The following RBFOX1 variants were observed in gnomAD, a reference collection of about 807,000 sequenced individuals.
RBFOX1 encodes RNA binding protein fox-1 homolog 1.
A neutral mutation model predicts 57.7 loss-of-function variants in RBFOX1; 8 were observed. The ratio of observed to expected loss-of-function variants is 0.14; its 90% CI spans 0.08 to 0.25. The LOEUF (loss-of-function observed/expected upper bound fraction) is 0.25, where lower values mean the gene tolerates loss of function less well. Ranked by LOEUF, RBFOX1 falls within the 10% of genes least tolerant of loss-of-function variation. The probability of loss-of-function intolerance (pLI) is 1.00; values close to 1 mark genes in which losing one functional copy is unlikely to be tolerated. For synonymous variants in RBFOX1, 326 were observed against 222.4 expected (o/e 1.47, Z -4.15); for missense variants, 611 against 548.5 (o/e 1.11, Z -1.14).
chr16:5,391,951 C>T (rs1443989243), intron 1 of RBFOX1, among the ~76,000 whole-genome samples: 2 of 151,698 alleles, frequency 1.3e-5, no homozygotes, highest in Admixed American at 1.3e-4. Context: ...ACTACTCAGC[C>T]ATAAAAAGGA....
At chr16:6,283,929 C>A (rs974791408) in intron 1 of RBFOX1, among the ~76,000 whole-genome samples, 6 of 152,142 alleles carry the variant, frequency 3.9e-5, no homozygotes, top group African/African-American at 1.4e-4. Flanking sequence ...TTGGAGGGAA[C>A]AAGAAAAGGA....
intron 4 of RBFOX1, among the ~76,000 whole-genome samples, chr16:5,977,363 G>A (rs2060086339): frequency 6.6e-6 from 1 of 152,156 alleles, no homozygotes; most frequent in Non-Finnish European, 1.5e-5. Flanking sequence ...TCCAGAGACC[G>A]CTCCCTGCCC....
chr16:7,033,830 A>G lies in RBFOX1; in HGVS notation c.-15-18227A>G, dbSNP rs1019063255. On this transcript the variant is annotated intron_variant, in intron 3 of 15. Transcript: ENST00000550418. ...TAAAAATAAAACAAATTAGCCCACT[A>G]GAGTGGCATCTGCCTGTGGGCCCAG... 3.3e-5 allele frequency among the ~76,000 whole-genome samples: 5 copies of G among 152,164 alleles called. No homozygotes were observed. The East Asian group carries it at 5.8e-4, about 18-fold the overall frequency.
intron 4 of RBFOX1, among the ~76,000 whole-genome samples, chr16:7,073,182 T>C (rs1234315076): frequency 1.3e-5 from 2 of 152,326 alleles, no homozygotes; most frequent in African/African-American, 4.8e-5. Flanking sequence ...CTATGGGCTG[T>C]CTTTGTAGTC....
In RBFOX1 at chr16:7,427,452, T is replaced by G. The variant is rs138628516; in HGVS notation, c.28-90695T>G. On this transcript the variant is annotated intron_variant, in intron 4 of 15. Transcript: ENST00000550418. ...TTGCAAAAATGCGAAACGTACCAAA[T>G]GTACCCTCCGGTGACTTGCTTAACA... Among the ~76,000 whole-genome samples, 5 of 152,134 alleles carry G rather than the reference T, an allele frequency of 3.3e-5. No individual in the cohort carries two copies. The East Asian group carries it at 7.8e-4, about 24-fold the overall frequency.
chr16:6,001,530 A>G (rs1183610312), intron 4 of RBFOX1, among the ~76,000 whole-genome samples: 1 of 152,190 alleles, frequency 6.6e-6, no homozygotes, highest in African/African-American at 2.4e-5. Flanking sequence ...TCCAGAGTCC[A>G]TGCTTTTAAC....
At chr16:6,506,082 G>A (rs750112178) in intron 2 of RBFOX1, among the ~76,000 whole-genome samples, 1 of 152,186 alleles carries the variant, frequency 6.6e-6, no homozygotes, top group African/African-American at 2.4e-5. Context: ...GTGCACCCTT[G>A]CATATATCCA....
At chr16:6,853,318 G>C (rs767597296) in intron 3 of RBFOX1, among the ~76,000 whole-genome samples, 6 of 152,138 alleles carry the variant, frequency 3.9e-5, no homozygotes, top group Admixed American at 6.5e-5. Flanking sequence ...TATGAGGATG[G>C]TGGTGGTAGT....
rs138821967 is a variant in RBFOX1, at chr16:6,035,887, A to G, written c.-127+15895A>G. On this transcript the variant is annotated intron_variant, in intron 1 of 15. Transcript: ENST00000550418. ...GCTTATTTTTCAGTTACTCTGAGAA[A>G]AGTGCTTGATAGATGGGAAGAAATG... Among the ~76,000 whole-genome samples, 12 of 152,340 alleles carry G rather than the reference A, an allele frequency of 7.9e-5. 1 individual carries two copies. Among genetic ancestry groups the G allele is most frequent in the African/African-American group, 2.9e-4 (12 of 41,580 alleles).
rs869243278 is a variant in RBFOX1, at chr16:6,761,500, C to CTTTTTTTTTTTTT, written c.-16+106863_-16+106875dup. ...AATAGTTTTCCTTTCTCCCAATCTC[C>CTTTTTTTTTTTTT]TTTTTTTTTTTTTTTTTTTTTTTTT... On this transcript the variant is annotated intron_variant, in intron 3 of 15. Coordinates refer to ENST00000550418, the MANE Select transcript of RBFOX1 (RefSeq NM_018723.4). 8.6e-4 allele frequency among the ~76,000 whole-genome samples: 52 copies of CTTTTTTTTTTTTT among 60,158 alleles called. 13 individuals are homozygous for CTTTTTTTTTTTTT. The highest frequency in any genetic ancestry group is 2.4e-3 in the African/African-American group (35 of 14,428). The allele number at this position is 60,158 out of a possible 152,430, so 39.5% of individuals were successfully genotyped here.
At chr16:5,542,085 G>C (rs1337474714) in intron 2 of RBFOX1, among the ~76,000 whole-genome samples, 1 of 152,038 alleles carries the variant, frequency 6.6e-6, no homozygotes, top group African/African-American at 2.4e-5. Context: ...CTTGAGGGTT[G>C]ATCTTATTCT....
chr16:5,428,128 G>C (rs2013789), intron 1 of RBFOX1, among the ~76,000 whole-genome samples: 41 of 76,848 alleles, frequency 5.3e-4, no homozygotes, highest in South Asian at 1.7e-3. Flanking sequence ...GTGTCTGTGT[G>C]TGTGTGTGTG....
chr16:6,899,146 C>G (rs1014491758), intron 3 of RBFOX1, among the ~76,000 whole-genome samples: 2 of 150,430 alleles, frequency 1.3e-5, no homozygotes, highest in African/African-American at 4.9e-5. Flanking sequence ...TGTGTATGGA[C>G]ACACGTGTAT....
intron 3 of RBFOX1, among the ~76,000 whole-genome samples, chr16:6,819,592 C>G (rs754667181): frequency 3.3e-5 from 5 of 151,162 alleles, no homozygotes; most frequent in African/African-American, 4.9e-5. Context: ...GTAATCCCAG[C>G]TACTCGGGAG....
chr16:6,157,513 T>C (rs535960804), intron 1 of RBFOX1, among the ~76,000 whole-genome samples: 77 of 152,208 alleles, frequency 5.1e-4, no homozygotes, highest in Non-Finnish European at 8.8e-4. Context: ...GTGGTAATCC[T>C]ATTCTGCCAG....
At chr16:5,705,618 G>A (rs1241836636) in intron 3 of RBFOX1, among the ~76,000 whole-genome samples, 2 of 152,134 alleles carry the variant, frequency 1.3e-5, no homozygotes, top group Non-Finnish European at 2.9e-5. Context: ...CAGAGAGGAG[G>A]CAACTAATAA....
chr16:7,043,299 C>T lies in RBFOX1; in HGVS notation c.-15-8758C>T, dbSNP rs117122222. Among the ~76,000 whole-genome samples, 621 of 152,242 alleles carry T rather than the reference C, an allele frequency of 4.1e-3. 6 individuals are homozygous for T. The highest frequency in any genetic ancestry group is 0.023 in the East Asian group (120 of 5,170). On this transcript the variant is annotated intron_variant, in intron 3 of 15. Transcript: ENST00000550418. ...TCTATCACATACGACCCTGTATCAT[C>T]ATCATTATTTTATTCATCACTCCTC...
At chr16:6,188,244 C>G (rs532596732) in intron 1 of RBFOX1, among the ~76,000 whole-genome samples, 1 of 152,110 alleles carries the variant, frequency 6.6e-6, no homozygotes, top group Admixed American at 6.5e-5. Flanking sequence ...TACGTCTACC[C>G]ACACATTAAC....
intron 4 of RBFOX1, among the ~76,000 whole-genome samples, chr16:7,459,612 G>C (rs1186116532): frequency 1.3e-5 from 2 of 152,058 alleles, no homozygotes; most frequent in Admixed American, 1.3e-4. Flanking sequence ...TATTGCGGGG[G>C]GACAGTTCTA....
Sources: allele counts gnomAD v4.1 joint callset (sites outside exome capture counted in the v4.1 genomes callset), GRCh38; gene constraint gnomAD v4.1.1; transcripts MANE v1.5; gene names NCBI Gene and HGNC (gene_info 2026-07-23, HGNC 2026-07-21).